ZBTB8A: variants seen among roughly 807,000 people sequenced by gnomAD.
The protein encoded by ZBTB8A is zinc finger and BTB domain-containing protein 8A.
In ZBTB8A, 19 loss-of-function variants were observed where a neutral mutation model predicts 37.8. The ratio of observed to expected loss-of-function variants is 0.50; its 90% confidence interval spans 0.35 to 0.74. The LOEUF (loss-of-function observed/expected upper bound fraction) is 0.74, where lower values mean the gene tolerates loss of function less well. ZBTB8A is among the 30% of genes least tolerant of loss of function. ZBTB8A has a pLI of 0.01. For missense variants in ZBTB8A, 394 were observed against 537.8 expected, an observed-to-expected ratio of 0.73 and a Z score of 2.65; for synonymous variants, 181 against 185.2, an observed-to-expected ratio of 0.98 and a Z score of 0.19.
intron 2 of ZBTB8A, among the ~76,000 whole-genome samples, chr1:32,558,273 T>C (rs948347491): frequency 6.6e-6 from 1 of 152,120 alleles, no homozygotes; most frequent in African/African-American, 2.4e-5. Flanking sequence ...GTGTAAATGC[T>C]ACCAATCATT....
rs1477645991 is a variant in ZBTB8A at position 32,605,298 on chromosome 1, A to G, written c.*4879A>G. On this transcript the variant is annotated 3_prime_UTR_variant, in exon 5 of 5. Coordinates refer to ENST00000373510, the MANE Select transcript of ZBTB8A (RefSeq NM_001040441.3). ...ATCAGTATTACTATTTATCATTTATATAGCATTTTATATTTGCAAAGTGTT... is the reference window on the plus strand; with the variant it reads ...ATCAGTATTACTATTTATCATTTATGTAGCATTTTATATTTGCAAAGTGTT... 2 of 152,054 alleles carry G rather than the reference A, an allele frequency of 1.3e-5. No homozygotes were observed. The highest frequency in any genetic ancestry group is 2.9e-5 in the Non-Finnish European group (2 of 68,034). The allele number at this position is 152,054 out of a possible 1,614,324, so 9.4% of individuals were successfully genotyped here.
intron 2 of ZBTB8A, among the ~76,000 whole-genome samples, chr1:32,585,027 CTTTTTTTT>C (rs1163697499): frequency 1.9e-5 from 2 of 105,618 alleles, no homozygotes; most frequent in Admixed American, 1.0e-4. Flanking sequence ...TTTCAGATTT[CTTTTTTTT>C]TTTTTTTTTT....
intron 2 of ZBTB8A, among the ~76,000 whole-genome samples, chr1:32,579,995 A>G (rs1467264769): frequency 6.6e-6 from 1 of 152,160 alleles, no homozygotes; most frequent in Non-Finnish European, 1.5e-5. Context: ...ATTGGCTAGT[A>G]CTTCCAGGAC....
chr1:32,574,084 T>TA (rs1644343204), intron 2 of ZBTB8A, among the ~76,000 whole-genome samples: 1 of 151,646 alleles, frequency 6.6e-6, no homozygotes. Context: ...TCTCAAAAAA[T>TA]AAAAAATAAT....
Position 32,600,640 on chromosome 1 carries a change from T to G in ZBTB8A, c.*221T>G, listed in dbSNP as rs1644569074. 6.1e-6 allele frequency: 3 copies of G among 495,238 alleles called. 1 individual carries two copies. Among genetic ancestry groups the G allele is most frequent in the South Asian group, 6.1e-5 (2 of 32,700 alleles). 30.7% of individuals were successfully genotyped at this position (495,238 alleles called of 1,614,324 possible). A position where few individuals can be genotyped will look rare whatever the true frequency, so the allele number is the denominator to read the frequency against. On this transcript the variant is annotated 3_prime_UTR_variant, in exon 5 of 5. Transcript: ENST00000373510. ...ACTGGAAAGAAAGAACTAGCTTGAG[T>G]TGGCTTGATGGATGAACAATTATCC...
intron 2 of ZBTB8A, among the ~76,000 whole-genome samples, chr1:32,572,469 T>G (rs1028182258): frequency 1.3e-5 from 2 of 151,430 alleles, no homozygotes; most frequent in African/African-American, 4.9e-5. Context: ...GATCTCACCT[T>G]ACTGCAACCT....
chr1:32,558,438 AACACACACACAC>A (rs35047367), intron 2 of ZBTB8A, among the ~76,000 whole-genome samples: 137 of 145,768 alleles, frequency 9.4e-4, no homozygotes, highest in East Asian at 2.8e-3. Flanking sequence ...CTAAGTATTA[AACACACACACAC>A]ACACACACAC....
Position 32,593,676 on chromosome 1 carries a change from A to G in ZBTB8A, c.745A>G (p.Ile249Val). 1 of 1,614,176 alleles carries G rather than the reference A, an allele frequency of 6.2e-7. No individual in the cohort carries two copies. Among genetic ancestry groups the G allele is most frequent in the Middle Eastern group, 1.6e-4 (1 of 6,062 alleles). Residue 249 changes from isoleucine to valine, a missense_variant, in exon 3 of 5, where the codon ATT (isoleucine) becomes GTT (valine). Transcript: ENST00000373510. Reference sequence around the variant, plus strand: ...TTCCCAGTCTGAAGAACAAGCACAGATTGATGCTGAAATGGACTCTACTCC... The same window carrying G: ...TTCCCAGTCTGAAGAACAAGCACAGGTTGATGCTGAAATGGACTCTACTCC... ...HVSQSEEQAQ[I>V]DAEMDSTPVG...
intron 2 of ZBTB8A, among the ~76,000 whole-genome samples, chr1:32,576,692 G>A (rs571606482): frequency 6.6e-6 from 1 of 152,094 alleles, no homozygotes; most frequent in Non-Finnish European, 1.5e-5. Context: ...GCCTCCCAAA[G>A]TGCTGGGATT....
intron 2 of ZBTB8A, among the ~76,000 whole-genome samples, chr1:32,586,084 A>G (rs12022230): frequency 0.12 from 18,080 of 151,850 alleles, 1,164 homozygotes; most frequent in African/African-American, 0.18. Context: ...TTGGGAGGCC[A>G]AGGTGGGTGG....
intron 1 of ZBTB8A, among the ~76,000 whole-genome samples, chr1:32,541,267 C>G (rs1644050859): frequency 6.6e-6 from 1 of 152,198 alleles, no homozygotes; most frequent in South Asian, 2.1e-4. Context: ...CTTACAAGCA[C>G]CTGGTCTCAC....
intron 2 of ZBTB8A, among the ~76,000 whole-genome samples, chr1:32,579,187 A>C (rs1194263308): frequency 6.6e-6 from 1 of 152,052 alleles, no homozygotes; most frequent in African/African-American, 2.4e-5. Flanking sequence ...ACTGGCTCAC[A>C]CCTAAAATAC....
At chr1:32,557,406 G>A (rs1644211404) in intron 2 of ZBTB8A, among the ~76,000 whole-genome samples, 1 of 152,168 alleles carries the variant, frequency 6.6e-6, no homozygotes, top group Non-Finnish European at 1.5e-5. Flanking sequence ...AATGCTAAAT[G>A]TAAATGTATA....
chr1:32,574,347 G>A (rs1414965084), intron 2 of ZBTB8A, among the ~76,000 whole-genome samples: 2 of 152,148 alleles, frequency 1.3e-5, no homozygotes, highest in African/African-American at 4.8e-5. Flanking sequence ...GCTTACGCCT[G>A]TAATCCCTGA....
At chr1:32,544,229 A>G (rs933871207) in intron 1 of ZBTB8A, among the ~76,000 whole-genome samples, 1 of 152,210 alleles carries the variant, frequency 6.6e-6, no homozygotes, top group Non-Finnish European at 1.5e-5. Context: ...TTGTTAGGTG[A>G]TTTTTGTTGT....
chr1:32,585,326 T>C (rs566349103), intron 2 of ZBTB8A, among the ~76,000 whole-genome samples: 1 of 152,004 alleles, frequency 6.6e-6, no homozygotes, highest in Non-Finnish European at 1.5e-5. Flanking sequence ...AGAAAATCTC[T>C]GGATAAACCA....
intron 3 of ZBTB8A, among the ~76,000 whole-genome samples, 170 bp from the exon 4 acceptor site, chr1:32,594,883 CT>C (rs1644517784): frequency 6.6e-6 from 1 of 151,764 alleles, no homozygotes; most frequent in South Asian, 2.1e-4. Flanking sequence ...AATAAAATTT[CT>C]TTCGTCTCTT....
intron 3 of ZBTB8A, 78 bp from the exon 4 acceptor site, chr1:32,594,976 T>G (rs1226949065): frequency 1.4e-4 from 180 of 1,302,728 alleles, no homozygotes; most frequent in Non-Finnish European, 1.8e-4. Context: ...TTGTTTCCAT[T>G]GGGCTTGGAT....
intron 2 of ZBTB8A, among the ~76,000 whole-genome samples, chr1:32,565,152 AACCCCATCTTT>A (rs1386690667): frequency 1.3e-5 from 2 of 151,990 alleles, no homozygotes; most frequent in African/African-American, 2.4e-5. Flanking sequence ...AAGGTGGCAA[AACCCCATCTTT>A]ACAAAAAAAC....
Sources: allele counts gnomAD v4.1 joint callset (sites outside exome capture counted in the v4.1 genomes callset), GRCh38; gene constraint gnomAD v4.1.1; transcripts MANE v1.5; gene names NCBI Gene and HGNC (gene_info 2026-07-23, HGNC 2026-07-21).